Variants in CPSF3 observed in about 807,000 individuals in gnomAD.
CPSF3 encodes the protein cleavage and polyadenylation specific factor 3.
In CPSF3, 57 loss-of-function variants were observed where a neutral mutation model predicts 84.1. The observed-to-expected ratio is 0.68, with a 90% CI of 0.55 to 0.85. The LOEUF (loss-of-function observed/expected upper bound fraction) is 0.85. Among genes scored for constraint, CPSF3 ranks in the 40% least tolerant of loss-of-function variants. The probability of loss-of-function intolerance (pLI) is 0.00; values close to 1 mark genes in which losing one functional copy is unlikely to be tolerated. For synonymous variants in CPSF3, 275 were observed against 278.1 expected, an observed-to-expected ratio of 0.99 and a Z score of 0.11; for missense variants, 522 against 838.8, an observed-to-expected ratio of 0.62 and a Z score of 4.66.
intron 15 of CPSF3, 54 bp from the exon 16 acceptor site, chr2:9,467,653 T>A (rs1682021045): frequency 2.3e-6 from 3 of 1,313,626 alleles, no homozygotes; most frequent in Non-Finnish European, 2.2e-6. Flanking sequence ...ATTTGGAAAT[T>A]ATTCTGAATA....
intron 17 of CPSF3, among the ~76,000 whole-genome samples, chr2:9,472,226 C>T (rs1170316441): frequency 1.4e-5 from 2 of 148,066 alleles, no homozygotes; most frequent in African/African-American, 5.0e-5. Context: ...GCAGGAGAAC[C>T]CAGGAATCAC....
chr2:9,433,693 G>A (rs549066445), intron 5 of CPSF3, among the ~76,000 whole-genome samples, 178 bp from the exon 6 acceptor site: 79 of 152,312 alleles, frequency 5.2e-4, no homozygotes, highest in African/African-American at 1.9e-3. Context: ...TTGAAGCACT[G>A]AACCGTTTAC....
intron 15 of CPSF3, among the ~76,000 whole-genome samples, chr2:9,462,870 TG>T: frequency 6.6e-6 from 1 of 152,318 alleles, no homozygotes; most frequent in East Asian, 1.9e-4. Context: ...GTGTGTTCCG[TG>T]TATTTAGCAT....
chr2:9,471,614 GT>G (rs1682167193), intron 17 of CPSF3, among the ~76,000 whole-genome samples, 175 bp downstream of exon 17: 1 of 151,888 alleles, frequency 6.6e-6, no homozygotes, highest in Non-Finnish European at 1.5e-5. Context: ...AGTTTTCCGT[GT>G]TTTTCCGGGT....
In CPSF3 at chr2:9,423,811, T is replaced by C. The variant is rs1289608217; in HGVS notation, c.38T>C (p.Leu13Pro). 1 of 1,613,570 alleles carries C rather than the reference T, an allele frequency of 6.2e-7. No homozygotes were observed. The highest frequency in any genetic ancestry group is 8.5e-7 in the Non-Finnish European group (1 of 1,179,818). Residue 13 changes from leucine to proline, a missense_variant, in exon 1 of 18, where the codon CTG becomes CCG. Physicochemically the swap from Leu to Pro is moderately conservative, Grantham distance 98 (BLOSUM62 -3). Coordinates refer to ENST00000238112, the MANE Select transcript of CPSF3 (RefSeq NM_016207.4). ...AIPAEESDQLLIRPLGAGQEV... is the reference protein window; with the variant it reads ...AIPAEESDQLPIRPLGAGQEV... ...CCTGCTGAGGAGAGCGACCAGCTGC[T>C]GATCCGACCCCTGTAAGGGACCAGC...
chr2:9,453,077 T>TTC (rs1681393278), intron 12 of CPSF3, 56 bp downstream of exon 12: 1 of 1,067,302 alleles, frequency 9.4e-7, no homozygotes, highest in East Asian at 2.5e-5. Context: ...AAAGAAAATC[T>TTC]ATGAAAACTT....
intron 7 of CPSF3, 66 bp downstream of exon 7, chr2:9,436,427 G>T: frequency 6.8e-7 from 1 of 1,472,286 alleles, no homozygotes; most frequent in South Asian, 1.3e-5. Flanking sequence ...ATAATAATGT[G>T]GTCTTGGATG....
chr2:9,441,602 G>A (rs1000936440), intron 8 of CPSF3: 15 of 532,442 alleles, frequency 2.8e-5, no homozygotes, highest in Non-Finnish European at 5.0e-5. Context: ...GAAGATCGGG[G>A]TGAACTTACC....
chr2:9,464,834 TG>T (rs1220309157), intron 15 of CPSF3, among the ~76,000 whole-genome samples: 2 of 152,096 alleles, frequency 1.3e-5, no homozygotes, highest in Non-Finnish European at 2.9e-5. Context: ...TCAAGAGATC[TG>T]CCCACCTTGG....
At chr2:9,429,478 C>CT (rs1226764592) in intron 2 of CPSF3, among the ~76,000 whole-genome samples, 2 of 152,170 alleles carry the variant, frequency 1.3e-5, no homozygotes, top group Admixed American at 6.6e-5. Flanking sequence ...ACTTTAATGA[C>CT]TGAGTCTTAA....
chr2:9,434,888 A>G (rs1488222232), intron 6 of CPSF3, among the ~76,000 whole-genome samples: 1 of 152,196 alleles, frequency 6.6e-6, no homozygotes, highest in African/African-American at 2.4e-5. Context: ...CTCCTCCACC[A>G]CCTACCATGT....
Position 9,443,380 on chromosome 2 carries a change from C to CA in CPSF3, c.1096-134dup, listed in dbSNP as rs1036838607. On this transcript the variant is annotated intron_variant, in intron 9 of 17. Coordinates refer to ENST00000238112, the MANE Select transcript of CPSF3 (RefSeq NM_016207.4). ...CATGAGTATTTGATATTTACTGAGTCAGTTATATTAGAATGATTTTGTGCG... is the reference window on the plus strand; with the variant it reads ...CATGAGTATTTGATATTTACTGAGTCAAGTTATATTAGAATGATTTTGTGCG... 2.5e-5 allele frequency: 19 copies of CA among 748,214 alleles called. No individual in the cohort carries two copies. The African/African-American group carries it at 3.3e-4, about 13-fold the overall frequency. The allele number at this position is 748,214 out of a possible 1,614,324, so 46.3% of individuals were successfully genotyped here. A position where few individuals can be genotyped will look rare whatever the true frequency, so the allele number is the denominator to read the frequency against.
In CPSF3 at chr2:9,466,414, A is replaced by G. The variant is rs532693950; in HGVS notation, c.1787-1293A>G. Among the ~76,000 whole-genome samples, 140 of 146,246 alleles carry G rather than the reference A, an allele frequency of 9.6e-4. 2 individuals are homozygous for G. Among genetic ancestry groups the G allele is most frequent in the South Asian group, 8.4e-3 (40 of 4,734 alleles). On this transcript the variant is annotated intron_variant, in intron 15 of 17. Transcript: ENST00000238112. ...CGCGCACACACACGCACGCGCACAC[A>G]CGCACACGCGCACACACGCGCACAC...
rs1681658009 is a variant in CPSF3, at chr2:9,459,630, TTTTTATCC to T, written c.1786+17_1786+24del. ...CAAAATAAGAAAAGGTAAGAGTTCA[TTTTTATCC>T]TTTTTTTTTTTTTTTTTTTTTTTTT... On this transcript the variant is annotated intron_variant, in intron 15 of 17. Transcript: ENST00000238112. 1.7e-6 allele frequency: 2 copies of T among 1,158,532 alleles called. No homozygotes were observed. Among genetic ancestry groups the T allele is most frequent in the Non-Finnish European group, 2.4e-6 (2 of 830,786 alleles). 71.8% of individuals were successfully genotyped at this position (1,158,532 alleles called of 1,614,324 possible).
chr2:9,466,205 C>T (rs1420612740), intron 15 of CPSF3, among the ~76,000 whole-genome samples: 1 of 150,566 alleles, frequency 6.6e-6, no homozygotes, highest in Non-Finnish European at 1.5e-5. Context: ...CTCACACACA[C>T]ACGCGCACAC....
At chr2:9,448,651 G>A (rs1361358233) in intron 11 of CPSF3, among the ~76,000 whole-genome samples, 1 of 152,110 alleles carries the variant, frequency 6.6e-6, no homozygotes, top group African/African-American at 2.4e-5. Flanking sequence ...CCGCCTCCTG[G>A]GTTCCAGCGA....
In CPSF3 at chr2:9,466,420, ACG is replaced by A. The variant is rs1558466878; in HGVS notation, c.1787-1283_1787-1282del. Among the ~76,000 whole-genome samples the A allele has an allele frequency of 2.9e-3, 408 of 142,094 alleles. 2 individuals are homozygous for A. Among genetic ancestry groups the A allele is most frequent in the African/African-American group, 0.011 (393 of 34,772 alleles). 93.2% of individuals were successfully genotyped at this position (142,094 alleles called of 152,430 possible). A position where few individuals can be genotyped will look rare whatever the true frequency, so the allele number is the denominator to read the frequency against. ...CACACACGCACGCGCACACACGCAC[ACG>A]CGCACACACGCGCACACACACAAAA... On this transcript the variant is annotated intron_variant, in intron 15 of 17. Coordinates refer to ENST00000238112, the MANE Select transcript of CPSF3 (RefSeq NM_016207.4).
chr2:9,434,768 A>G (rs996967795), intron 6 of CPSF3, among the ~76,000 whole-genome samples: 3 of 152,094 alleles, frequency 2.0e-5, no homozygotes, highest in African/African-American at 7.2e-5. Flanking sequence ...GCAGCTTGGG[A>G]TGTGTGTTGC....
chr2:9,424,160 C>T, intron 1 of CPSF3: 2 of 1,058,894 alleles, frequency 1.9e-6, no homozygotes, highest in Non-Finnish European at 2.3e-6. Flanking sequence ...CGCGTCAGGG[C>T]AAGCTGTGAG....
Sources: gnomAD v4.1 joint callset for allele counts (sites outside exome capture counted in the v4.1 genomes callset) on GRCh38, gnomAD v4.1.1 for gene constraint, MANE v1.5 for transcripts, NCBI Gene and HGNC (gene_info 2026-07-23, HGNC 2026-07-21) for gene names.